ADAM23: variants seen among roughly 807,000 people sequenced by gnomAD.
ADAM23 encodes disintegrin and metalloproteinase domain-containing protein 23.
A neutral mutation model predicts 120.1 loss-of-function variants in ADAM23; 33 were observed. That is an observed-to-expected ratio of 0.27 (90% confidence interval 0.21 to 0.37). The LOEUF is 0.37. Among genes scored for constraint, ADAM23 ranks in the 10% least tolerant of loss-of-function variants. The pLI is 1.00. For synonymous variants in ADAM23, 367 were observed against 375.2 expected (o/e 0.98, Z 0.25); for missense variants, 862 against 1,058.2 (o/e 0.81, Z 2.57).
intron 2 of ADAM23, among the ~76,000 whole-genome samples, chr2:206,456,450 T>G (rs1184392714): frequency 6.6e-6 from 1 of 151,988 alleles, no homozygotes; most frequent in African/African-American, 2.4e-5. Flanking sequence ...CCTGGACTGG[T>G]GACTATGAGA....
intron 3 of ADAM23, among the ~76,000 whole-genome samples, chr2:206,505,391 C>G (rs1408352232): frequency 6.6e-6 from 1 of 152,138 alleles, no homozygotes; most frequent in Non-Finnish European, 1.5e-5. Flanking sequence ...TTAGTTTGTT[C>G]TCACATGGCT....
intron 2 of ADAM23, among the ~76,000 whole-genome samples, chr2:206,451,403 G>A (rs781708805): frequency 7.2e-5 from 11 of 152,136 alleles, no homozygotes; most frequent in Non-Finnish European, 1.6e-4. Context: ...CCACACCCAG[G>A]TAATTTTTGC....
intron 25 of ADAM23, among the ~76,000 whole-genome samples, chr2:206,613,160 G>C (rs1258848565): frequency 6.6e-6 from 1 of 151,998 alleles, no homozygotes; most frequent in Non-Finnish European, 1.5e-5. Flanking sequence ...CCCAGGTTCA[G>C]GCGATTCTCC....
intron 18 of ADAM23, among the ~76,000 whole-genome samples, chr2:206,581,057 T>C (rs2105839865): frequency 6.6e-6 from 1 of 152,340 alleles, no homozygotes; most frequent in Middle Eastern, 3.4e-3. Flanking sequence ...TCAGTTGTAA[T>C]ATCTCCTGTT....
intron 3 of ADAM23, among the ~76,000 whole-genome samples, chr2:206,523,646 T>G (rs1257008993): frequency 6.6e-6 from 1 of 152,192 alleles, no homozygotes; most frequent in Non-Finnish European, 1.5e-5. Context: ...TTTAAAACTT[T>G]AGAAAAGTAA....
At chr2:206,472,185 CTCT>C (rs1335979754) in intron 2 of ADAM23, among the ~76,000 whole-genome samples, 1 of 152,186 alleles carries the variant, frequency 6.6e-6, no homozygotes, top group African/African-American at 2.4e-5. Context: ...AATGTAGCTT[CTCT>C]TCTTTGGCTG....
chr2:206,531,978 G>A (rs1467278648), intron 4 of ADAM23, among the ~76,000 whole-genome samples: 2 of 152,172 alleles, frequency 1.3e-5, no homozygotes, highest in Non-Finnish European at 2.9e-5. Flanking sequence ...GTAATTGGAC[G>A]TGTTTTCCAG....
At chr2:206,461,156 G>A (rs1203280687) in intron 2 of ADAM23, among the ~76,000 whole-genome samples, 2 of 149,084 alleles carry the variant, frequency 1.3e-5, no homozygotes, top group African/African-American at 5.0e-5. Context: ...TCGCCTCCTC[G>A]GTTTAAGTGA....
chr2:206,465,465 C>A (rs1049904309), intron 2 of ADAM23, among the ~76,000 whole-genome samples: 3 of 152,084 alleles, frequency 2.0e-5, no homozygotes, highest in Non-Finnish European at 2.9e-5. Flanking sequence ...ATAAAATTTT[C>A]TTTTTGCCAA....
chr2:206,526,173 CACACACAG>C (rs1473351250), intron 3 of ADAM23, among the ~76,000 whole-genome samples: 145 of 147,564 alleles, frequency 9.8e-4, no homozygotes, highest in Non-Finnish European at 1.3e-3. Context: ...CACACACACA[CACACACAG>C]ACACACACAG....
At chr2:206,520,699 C>T (rs764830618) in intron 3 of ADAM23, among the ~76,000 whole-genome samples, 1 of 152,064 alleles carries the variant, frequency 6.6e-6, no homozygotes, top group Admixed American at 6.6e-5. Flanking sequence ...CTCTAATTGA[C>T]CCAGTAAAAG....
intron 3 of ADAM23, among the ~76,000 whole-genome samples, chr2:206,485,180 C>G (rs1348361944): frequency 1.3e-5 from 2 of 152,162 alleles, no homozygotes; most frequent in African/African-American, 4.8e-5. Flanking sequence ...AATGAGGGAA[C>G]TGTGTTAGAA....
chr2:206,498,266 G>A (rs1483029605), intron 3 of ADAM23, among the ~76,000 whole-genome samples: 2 of 152,206 alleles, frequency 1.3e-5, no homozygotes, highest in Admixed American at 6.5e-5. Flanking sequence ...CAAGGCTACA[G>A]TAACCAAAAC....
intron 3 of ADAM23, among the ~76,000 whole-genome samples, chr2:206,529,299 C>A (rs1274680558): frequency 1.3e-5 from 2 of 152,194 alleles, no homozygotes; most frequent in African/African-American, 4.8e-5. Flanking sequence ...CTCCATTTGA[C>A]ATACAAGTTG....
chr2:206,580,428 G>C (rs561800085), intron 18 of ADAM23, among the ~76,000 whole-genome samples: 8 of 152,232 alleles, frequency 5.3e-5, no homozygotes, highest in Non-Finnish European at 7.4e-5. Flanking sequence ...AATGATAAAG[G>C]GATGCTGGAT....
intron 3 of ADAM23, among the ~76,000 whole-genome samples, chr2:206,507,462 C>T (rs1280948297): frequency 6.6e-6 from 1 of 152,144 alleles, no homozygotes; most frequent in East Asian, 1.9e-4. Context: ...GCCGGCCTCC[C>T]ACCTTCACCT....
chr2:206,495,770 G>C lies in ADAM23; in HGVS notation c.509+14462G>C, dbSNP rs970174377. Among the ~76,000 whole-genome samples the C allele has an allele frequency of 5.3e-5, 8 of 152,228 alleles. 1 individual carries two copies. Among genetic ancestry groups the C allele is most frequent in the Middle Eastern group, 6.8e-3 (2 of 294 alleles). On this transcript the variant is annotated intron_variant, in intron 3 of 25. Transcript: ENST00000264377. ...TCAGGAAACCCATCTCATGTGCAGAGACACACATAGGCTCAAAATAAAGGG... is the reference window on the plus strand; with the variant it reads ...TCAGGAAACCCATCTCATGTGCAGACACACACATAGGCTCAAAATAAAGGG...
At chr2:206,571,184 A>G (rs1269782949) in intron 16 of ADAM23, among the ~76,000 whole-genome samples, 1 of 152,188 alleles carries the variant, frequency 6.6e-6, no homozygotes, top group Non-Finnish European at 1.5e-5. Context: ...GCTAAAAATT[A>G]AGCTTTCTCG....
chr2:206,607,922 C>T, intron 24 of ADAM23: 2 of 422,208 alleles, frequency 4.7e-6, no homozygotes, highest in Middle Eastern at 3.5e-4. Flanking sequence ...AGTCAGGAAT[C>T]ATTTTTCATG....
Sources: allele counts gnomAD v4.1 joint callset (sites outside exome capture counted in the v4.1 genomes callset), GRCh38; gene constraint gnomAD v4.1.1; transcripts MANE v1.5; gene names NCBI Gene and HGNC (gene_info 2026-07-23, HGNC 2026-07-21).